ZBTB7C: variants seen among roughly 807,000 people sequenced by gnomAD.
The protein encoded by ZBTB7C is zinc finger and BTB domain-containing protein 7C.
In ZBTB7C, 8 loss-of-function variants were observed where a neutral mutation model predicts 25.7. The ratio of observed to expected loss-of-function variants is 0.31; its 90% CI spans 0.18 to 0.56. The LOEUF (loss-of-function observed/expected upper bound fraction) is 0.56, where lower values mean the gene tolerates loss of function less well. Among genes scored for constraint, ZBTB7C ranks in the 20% least tolerant of loss-of-function variants. The pLI, the probability that ZBTB7C is intolerant of heterozygous loss-of-function variation, is 0.91. For synonymous variants in ZBTB7C, 394 were observed against 369.0 expected (o/e 1.07, Z -0.78); for missense variants, 824 against 855.2 (o/e 0.96, Z 0.46).
chr18:48,168,541 A>C (rs1169395067), intron 3 of ZBTB7C, among the ~76,000 whole-genome samples: 1 of 152,228 alleles, frequency 6.6e-6, no homozygotes, highest in Non-Finnish European at 1.5e-5. Context: ...TGAAATATAA[A>C]TGTCCACTAA....
At chr18:48,120,364 G>A (rs1442420853) in intron 3 of ZBTB7C, among the ~76,000 whole-genome samples, 2 of 152,136 alleles carry the variant, frequency 1.3e-5, no homozygotes, top group Non-Finnish European at 2.9e-5. Flanking sequence ...GGTGGCTCAC[G>A]CCTGTAATCC....
chr18:48,260,849 A>G (rs1004658500), intron 2 of ZBTB7C, among the ~76,000 whole-genome samples: 3 of 152,074 alleles, frequency 2.0e-5, no homozygotes, highest in South Asian at 2.1e-4. Context: ...CTCCCTGTCT[A>G]CTCTGAGCAT....
chr18:48,300,602 G>C (rs926998567), intron 2 of ZBTB7C, among the ~76,000 whole-genome samples: 16 of 152,180 alleles, frequency 1.1e-4, no homozygotes, highest in African/African-American at 3.9e-4. Flanking sequence ...CTAGAGGGGC[G>C]GGGCCAGGAG....
chr18:48,032,117 T>A (rs549090013), intron 4 of ZBTB7C, among the ~76,000 whole-genome samples: 195 of 152,236 alleles, frequency 1.3e-3, no homozygotes, highest in African/African-American at 4.5e-3. Context: ...TTTTTATTTT[T>A]ATTTTTATTT....
At chr18:48,106,784 A>C (rs1247497666) in intron 3 of ZBTB7C, among the ~76,000 whole-genome samples, 1 of 147,948 alleles carries the variant, frequency 6.8e-6, no homozygotes, top group Admixed American at 6.7e-5. Flanking sequence ...TTGCAATAAA[A>C]CCATCTTAGC....
intron 3 of ZBTB7C, among the ~76,000 whole-genome samples, chr18:48,152,612 A>G (rs1265566138): frequency 6.6e-6 from 1 of 152,232 alleles, no homozygotes; most frequent in African/African-American, 2.4e-5. Context: ...TGGAGCTGGG[A>G]GGAGGCAGGA....
intron 1 of ZBTB7C, among the ~76,000 whole-genome samples, chr18:48,397,346 T>A (rs2048052512): frequency 6.6e-6 from 1 of 152,198 alleles, no homozygotes; most frequent in Non-Finnish European, 1.5e-5. Context: ...TTGGCCCCCA[T>A]CATGTTGGTC....
intron 1 of ZBTB7C, among the ~76,000 whole-genome samples, chr18:48,345,345 G>A (rs932305232): frequency 1.1e-4 from 17 of 152,262 alleles, no homozygotes; most frequent in African/African-American, 4.1e-4. Flanking sequence ...GGAGTGCTTG[G>A]CATTTTCTTC....
At chr18:48,157,982 G>A (rs930936530) in intron 3 of ZBTB7C, among the ~76,000 whole-genome samples, 12 of 152,160 alleles carry the variant, frequency 7.9e-5, no homozygotes, top group African/African-American at 2.9e-4. Flanking sequence ...AGGGAGGTGG[G>A]GAGCAGGTAC....
At chr18:48,137,810 T>G (rs1446073596) in intron 3 of ZBTB7C, among the ~76,000 whole-genome samples, 5 of 152,204 alleles carry the variant, frequency 3.3e-5, no homozygotes, top group Non-Finnish European at 5.9e-5. Context: ...AACTGGAGAT[T>G]CCGGCAGTCC....
chr18:48,285,532 T>G (rs936615192), intron 2 of ZBTB7C, among the ~76,000 whole-genome samples: 4 of 152,218 alleles, frequency 2.6e-5, no homozygotes, highest in African/African-American at 7.2e-5. Flanking sequence ...GCAATTTTTT[T>G]GTAGAGATGA....
intron 2 of ZBTB7C, among the ~76,000 whole-genome samples, chr18:48,202,122 A>G (rs2042465140): frequency 6.6e-6 from 1 of 152,208 alleles, no homozygotes; most frequent in South Asian, 2.1e-4. Flanking sequence ...GCGGGACCAC[A>G]GTGCTTCCTG....
At chr18:48,228,036 G>T (rs1470569789) in intron 2 of ZBTB7C, among the ~76,000 whole-genome samples, 1 of 152,166 alleles carries the variant, frequency 6.6e-6, no homozygotes, top group Non-Finnish European at 1.5e-5. Flanking sequence ...GGGCAAAAAG[G>T]TGATGGAGAG....
chr18:48,160,529 C>T (rs190606794), intron 3 of ZBTB7C, among the ~76,000 whole-genome samples: 5 of 152,296 alleles, frequency 3.3e-5, no homozygotes, highest in Admixed American at 1.3e-4. Flanking sequence ...AAACCCAGGA[C>T]TGGGCTGAGG....
intron 1 of ZBTB7C, among the ~76,000 whole-genome samples, chr18:48,356,434 A>G (rs1469821043): frequency 6.6e-6 from 1 of 152,162 alleles, no homozygotes; most frequent in Non-Finnish European, 1.5e-5. Flanking sequence ...AGAGTTTAAC[A>G]GTGTCCCTGT....
chr18:48,251,697 C>A (rs572774209), intron 2 of ZBTB7C, among the ~76,000 whole-genome samples: 2 of 152,208 alleles, frequency 1.3e-5, no homozygotes, highest in African/African-American at 4.8e-5. Context: ...AATCTGCATA[C>A]TAAAAGATCA....
At chr18:48,166,979 G>C (rs1178341893) in intron 3 of ZBTB7C, among the ~76,000 whole-genome samples, 1 of 152,126 alleles carries the variant, frequency 6.6e-6, no homozygotes, top group Non-Finnish European at 1.5e-5. Flanking sequence ...CTCAACCTCA[G>C]CTGGAAGCAC....
At chr18:48,349,695 A>G (rs61113609) in intron 1 of ZBTB7C, among the ~76,000 whole-genome samples, 89,873 of 152,084 alleles carry the variant, frequency 0.59, 27,733 homozygotes, top group African/African-American at 0.77. Context: ...CTAGTTGGCC[A>G]GCCACACGCA....
chr18:48,280,855 T>C (rs2044823331), intron 2 of ZBTB7C, among the ~76,000 whole-genome samples: 1 of 144,700 alleles, frequency 6.9e-6, no homozygotes, highest in African/African-American at 2.6e-5. Flanking sequence ...TCTCTTTTTT[T>C]TTTTTTTTTT....
Sources: allele counts gnomAD v4.1 joint callset (sites outside exome capture counted in the v4.1 genomes callset), GRCh38; gene constraint gnomAD v4.1.1; transcripts MANE v1.5; gene names NCBI Gene and HGNC (gene_info 2026-07-23, HGNC 2026-07-21).